Variants in GLI2 observed in about 807,000 individuals in gnomAD.
GLI2 encodes transcription activator GLI2.
Under a neutral mutation model 78.9 loss-of-function variants are expected in GLI2, and 22 were observed. The observed-to-expected ratio is 0.28, with a 90% CI of 0.20 to 0.40. The LOEUF (loss-of-function observed/expected upper bound fraction) is 0.40, where lower values mean the gene tolerates loss of function less well. GLI2 is among the 10% of genes least tolerant of loss of function. The pLI is 1.00. For synonymous variants in GLI2, 974 were observed against 963.7 expected (o/e 1.01, Z -0.20); for missense variants, 2,097 against 2,213.2 (o/e 0.95, Z 1.05).
intron 3 of GLI2, among the ~76,000 whole-genome samples, chr2:120,932,920 G>A (rs959852813): frequency 2.0e-5 from 3 of 152,136 alleles, no homozygotes; most frequent in Non-Finnish European, 2.9e-5. Context: ...CGGTGTGGTG[G>A]GGGTCTTTCT....
chr2:120,881,948 A>T (rs2104716705), intron 2 of GLI2, among the ~76,000 whole-genome samples: 1 of 152,096 alleles, frequency 6.6e-6, no homozygotes, highest in East Asian at 1.9e-4. Flanking sequence ...CCAGCAACCA[A>T]AGATAGCTGG....
intron 1 of GLI2, among the ~76,000 whole-genome samples, chr2:120,743,761 G>A (rs1682619891): frequency 6.6e-6 from 1 of 152,208 alleles, no homozygotes; most frequent in Non-Finnish European, 1.5e-5. Flanking sequence ...AGGGGGCGGG[G>A]CTTGGTAGAT....
chr2:120,787,537 C>G (rs1401170622), intron 1 of GLI2, among the ~76,000 whole-genome samples: 4 of 152,162 alleles, frequency 2.6e-5, no homozygotes, highest in African/African-American at 9.7e-5. Context: ...ACCCTGGGCC[C>G]CTGAGAGGCC....
intron 5 of GLI2, among the ~76,000 whole-genome samples, chr2:120,968,485 T>G (rs1342425359): frequency 2.0e-5 from 3 of 152,224 alleles, no homozygotes; most frequent in African/African-American, 7.2e-5. Flanking sequence ...ACACCTTACA[T>G]GCACTTCTCC....
At chr2:120,983,348 G>A (rs550790495) in intron 11 of GLI2, among the ~76,000 whole-genome samples, 8 of 152,278 alleles carry the variant, frequency 5.3e-5, no homozygotes, top group Admixed American at 2.6e-4. Context: ...ACTTTCCCCA[G>A]TGCCAGAGCA....
At chr2:120,916,141 G>T (rs1447920085) in intron 2 of GLI2, among the ~76,000 whole-genome samples, 1 of 152,220 alleles carries the variant, frequency 6.6e-6, no homozygotes, top group Non-Finnish European at 1.5e-5. Flanking sequence ...GCTCACTGAG[G>T]CAGGAGCTCT....
intron 2 of GLI2, among the ~76,000 whole-genome samples, chr2:120,882,671 C>T (rs1299883713): frequency 2.0e-5 from 3 of 152,160 alleles, no homozygotes; most frequent in Non-Finnish European, 4.4e-5. Flanking sequence ...TGGATCTGAC[C>T]GCCATCCAGG....
chr2:120,970,577 A>G lies in GLI2; in HGVS notation c.1030A>G (p.Ser344Gly), dbSNP rs763261944. 1.2e-6 allele frequency: 2 copies of G among 1,614,198 alleles called. No individual in the cohort carries two copies. The highest frequency in any genetic ancestry group is 8.5e-7 in the Non-Finnish European group (1 of 1,180,022). ...INATPTQLSSSSNCLSDTNQN... is the reference protein window; with the variant it reads ...INATPTQLSSGSNCLSDTNQN... Reference sequence around the variant, plus strand: ...TGCCACGCCCACCCAGCTCAGCAGCAGCAGCAACTGTCTGAGTGACACCAA... The same window carrying G: ...TGCCACGCCCACCCAGCTCAGCAGCGGCAGCAACTGTCTGAGTGACACCAA... The change falls in exon 7 of 14, where the codon AGC becomes GGC. Residue 344 changes from serine (S) to glycine (G), a missense_variant. Transcript: ENST00000361492.
intron 2 of GLI2, among the ~76,000 whole-genome samples, chr2:120,890,296 G>C (rs960100966): frequency 6.6e-6 from 1 of 152,188 alleles, no homozygotes; most frequent in East Asian, 1.9e-4. Flanking sequence ...ATGGTTTCCA[G>C]GGTTTAATGA....
chr2:120,823,347 G>T (rs1203560426), intron 2 of GLI2, among the ~76,000 whole-genome samples: 1 of 152,182 alleles, frequency 6.6e-6, no homozygotes, highest in South Asian at 2.1e-4. Context: ...GGAGTTGTGT[G>T]TGGGGCTGGG....
intron 4 of GLI2, 116 bp downstream of exon 4, chr2:120,951,561 A>C: frequency 1.5e-6 from 1 of 675,112 alleles, no homozygotes; most frequent in Non-Finnish European, 2.5e-6. Flanking sequence ...AATGGTGACC[A>C]GGCTGGCTGG....
chr2:120,870,097 G>A (rs116361998), intron 2 of GLI2, among the ~76,000 whole-genome samples: 315 of 152,266 alleles, frequency 2.1e-3, no homozygotes, highest in African/African-American at 7.0e-3. Flanking sequence ...AGCTATCAAG[G>A]CCATGCCCAG....
At chr2:120,937,259 TG>T (rs1238291744) in intron 3 of GLI2, among the ~76,000 whole-genome samples, 19 of 152,216 alleles carry the variant, frequency 1.2e-4, no homozygotes, top group African/African-American at 4.6e-4. Flanking sequence ...AATTTTTATT[TG>T]TATAAATTTA....
At position 120,984,565 on chromosome 2, in the gene GLI2, C is replaced by T. The variant is rs977585784; in HGVS notation, c.1727C>T (p.Ala576Val). 5.6e-6 allele frequency: 9 copies of T among 1,614,222 alleles called. No individual in the cohort carries two copies. The highest frequency in any genetic ancestry group is 7.6e-6 in the Non-Finnish European group (9 of 1,180,038). Residue 576 changes from alanine (A) to valine (V), a missense_variant, in exon 12 of 14, where the codon GCC (alanine) becomes GTC (valine). By Grantham distance (64) the Ala-to-Val change is moderately conservative. Around this residue, in one of 5 missense-constraint regions of GLI2, gnomAD observed 104 missense variants for 190.6 expected, o/e 0.55. Coordinates refer to ENST00000361492, the MANE Select transcript of GLI2 (RefSeq NM_001374353.1). ...KHVKTVHGPD[A>V]HVTKKQRNDV... ...GTGAAAACGGTCCACGGCCCAGATG[C>T]CCACGTCACCAAGAAGCAGCGCAAT... is the stretch of plus-strand genomic sequence containing the variant.
intron 2 of GLI2, among the ~76,000 whole-genome samples, chr2:120,855,873 G>A (rs1381450785): frequency 6.6e-6 from 1 of 152,146 alleles, no homozygotes; most frequent in East Asian, 1.9e-4. Context: ...TCTGTGCTGG[G>A]CCTCCTCTCC....
intron 2 of GLI2, among the ~76,000 whole-genome samples, chr2:120,860,615 G>C (rs183867584): frequency 2.1e-4 from 32 of 152,356 alleles, no homozygotes; most frequent in African/African-American, 7.7e-4. Flanking sequence ...GAGATCTGGG[G>C]AGGGCATTTC....
chr2:120,992,546 C>G lies in GLI2; in HGVS notation c.*1871C>G, dbSNP rs1270436285. 1 of 152,152 alleles carries G rather than the reference C, an allele frequency of 6.6e-6. No individual in the cohort carries two copies. Among genetic ancestry groups the G allele is most frequent in the Non-Finnish European group, 1.5e-5 (1 of 68,026 alleles). 9.4% of individuals were successfully genotyped at this position (152,152 alleles called of 1,614,324 possible). The stretch of plus-strand genomic sequence containing the variant: ...CCCCTTGACAGTAGTTAATGAGAAC[C>G]TGGGCAGTAAATTTGGTGCATTCGA... On this transcript the variant is annotated 3_prime_UTR_variant, in exon 14 of 14. Coordinates refer to ENST00000361492, the MANE Select transcript of GLI2 (RefSeq NM_001374353.1).
intron 2 of GLI2, among the ~76,000 whole-genome samples, chr2:120,843,471 C>G (rs1485692842): frequency 2.0e-5 from 3 of 152,184 alleles, no homozygotes; most frequent in Non-Finnish European, 4.4e-5. Context: ...AAAATAACCT[C>G]AAATGAGATT....
In GLI2 at chr2:120,858,478, C is replaced by T. The variant is rs541377976; in HGVS notation, c.148+61010C>T. Among the ~76,000 whole-genome samples the T allele has an allele frequency of 7.2e-5, 11 of 152,266 alleles. No homozygotes were observed. The South Asian group carries it at 2.1e-3, about 29-fold the overall frequency. On this transcript the variant is annotated intron_variant, in intron 2 of 13. Transcript: ENST00000361492. Reference sequence around the variant, plus strand: ...CAAGCTAGTGAACAACAATGGGCAGCCTCTGATGTTTCTGGCCTCTCGCCT... The same window carrying T: ...CAAGCTAGTGAACAACAATGGGCAGTCTCTGATGTTTCTGGCCTCTCGCCT...
Sources: allele counts gnomAD v4.1 joint callset (sites outside exome capture counted in the v4.1 genomes callset), GRCh38; gene constraint gnomAD v4.1.1; regional missense constraint gnomAD v4.1.1; transcripts MANE v1.5; gene names NCBI Gene and HGNC (gene_info 2026-07-23, HGNC 2026-07-21).